Variants in BAIAP2L1 observed in about 807,000 individuals in gnomAD.
The protein encoded by BAIAP2L1 is BAR/IMD domain-containing adapter protein 2-like 1.
In BAIAP2L1, 35 loss-of-function variants were observed where a neutral mutation model predicts 66.3. The observed-to-expected ratio is 0.53, with a 90% CI of 0.40 to 0.70. The LOEUF is 0.70. Among genes scored for constraint, BAIAP2L1 ranks in the 30% least tolerant of loss-of-function variants. The pLI, the probability that BAIAP2L1 is intolerant of heterozygous loss-of-function variation, is 0.00. For synonymous variants in BAIAP2L1, 269 were observed against 248.7 expected (o/e 1.08, Z -0.77); for missense variants, 622 against 656.9 (o/e 0.95, Z 0.58).
chr7:98,378,273 G>A (rs1305111447), intron 1 of BAIAP2L1, among the ~76,000 whole-genome samples: 1 of 152,132 alleles, frequency 6.6e-6, no homozygotes, highest in Non-Finnish European at 1.5e-5. Context: ...ATGAAAGGTA[G>A]TTTCCTGGTG....
chr7:98,400,736 A>G (rs1584515459), intron 1 of BAIAP2L1, 66 bp downstream of exon 1: 1 of 1,516,550 alleles, frequency 6.6e-7, no homozygotes. Flanking sequence ...CTTCCCGCGT[A>G]AAGTCCCCTT....
chr7:98,354,486 A>G lies in BAIAP2L1; in HGVS notation c.214+556T>C, dbSNP rs550774874. ...CCGTTTTAAAAGCCCACCTTTCCCT[A>G]ACCCCCGACAGTGAAGTGTTCTATA... On this transcript the variant is annotated intron_variant, in intron 3 of 13. Transcript: ENST00000005260. 2.6e-5 allele frequency among the ~76,000 whole-genome samples: 4 copies of G among 152,216 alleles called. No individual in the cohort carries two copies. In the South Asian group the frequency reaches 8.3e-4, roughly 32 times the overall value.
intron 3 of BAIAP2L1, among the ~76,000 whole-genome samples, chr7:98,337,162 T>C (rs1584466762): frequency 6.6e-6 from 1 of 151,898 alleles, no homozygotes; most frequent in Non-Finnish European, 1.5e-5. Flanking sequence ...ACGTGGGAAG[T>C]GCTGGAAAGT....
chr7:98,315,625 A>ACAAT lies in BAIAP2L1; in HGVS notation c.487-14_487-13insATTG. Reference sequence around the variant, plus strand: ...CGGTCTCCACATACTAAAAAAAAAAAAATAATAATAATAATAATTATATAA... The same window carrying ACAAT: ...CGGTCTCCACATACTAAAAAAAAAAACAATAATAATAATAATAATAATTATATAA... On this transcript the variant is annotated splice_polypyrimidine_tract_variant and intron_variant, in intron 6 of 13. Transcript: ENST00000005260. 1 of 1,130,960 alleles carries ACAAT rather than the reference A, an allele frequency of 8.8e-7. No homozygotes were observed. Among genetic ancestry groups the ACAAT allele is most frequent in the South Asian group, 2.7e-5 (1 of 36,760 alleles). The allele number at this position is 1,130,960 out of a possible 1,614,324, so 70.1% of individuals were successfully genotyped here. A position where few individuals can be genotyped will look rare whatever the true frequency, so the allele number is the denominator to read the frequency against.
intron 1 of BAIAP2L1, among the ~76,000 whole-genome samples, chr7:98,393,116 CATAT>C (rs201190021): frequency 8.6e-6 from 1 of 116,622 alleles, no homozygotes; most frequent in Non-Finnish European, 1.7e-5. Flanking sequence ...TATATGTACA[CATAT>C]ATGTATATAT....
chr7:98,370,105 G>A (rs1334513638), intron 1 of BAIAP2L1, among the ~76,000 whole-genome samples: 1 of 151,434 alleles, frequency 6.6e-6, no homozygotes, highest in East Asian at 1.9e-4. Flanking sequence ...TACCAGAGGG[G>A]GAAAAAAAAA....
intron 1 of BAIAP2L1, among the ~76,000 whole-genome samples, chr7:98,387,625 T>C (rs1429337720): frequency 6.6e-6 from 1 of 151,450 alleles, no homozygotes; most frequent in Non-Finnish European, 1.5e-5. Flanking sequence ...TTTGGGAGGC[T>C]GAGGTGGGAG....
At position 98,312,081 on chromosome 7, in the gene BAIAP2L1, G is replaced by C; in HGVS notation, c.807+16C>G. ...AAACACACGATTGAAATCTGGAAGA[G>C]AAAACTGGCTCCTACCACATTGCTT... On this transcript the variant is annotated intron_variant, in intron 8 of 13. Transcript: ENST00000005260. 2 of 1,576,310 alleles carry C rather than the reference G, an allele frequency of 1.3e-6. No homozygotes were observed. The highest frequency in any genetic ancestry group is 4.5e-5 in the East Asian group (2 of 44,216).
intron 1 of BAIAP2L1, chr7:98,400,282 G>A (rs1362852628): frequency 9.4e-6 from 1 of 106,146 alleles, no homozygotes; most frequent in African/African-American, 3.9e-5. Context: ...AGGGACAGGG[G>A]AGGCGGAGAA....
intron 3 of BAIAP2L1, among the ~76,000 whole-genome samples, chr7:98,330,710 G>A (rs1422220437): frequency 6.6e-6 from 1 of 152,112 alleles, no homozygotes; most frequent in Non-Finnish European, 1.5e-5. Context: ...TCTGGGTTCT[G>A]CGTGGTACCA....
chr7:98,342,257 G>T (rs1001138574), intron 3 of BAIAP2L1, among the ~76,000 whole-genome samples: 2 of 151,784 alleles, frequency 1.3e-5, no homozygotes, highest in Admixed American at 6.6e-5. Flanking sequence ...TTGCCATGTT[G>T]GCCTAGCTGG....
Position 98,369,433 on chromosome 7 carries a change from G to A in BAIAP2L1, c.52-7001C>T, listed in dbSNP as rs867863757. On this transcript the variant is annotated intron_variant, in intron 1 of 13. Coordinates refer to ENST00000005260, the MANE Select transcript of BAIAP2L1 (RefSeq NM_018842.5). ...AAGAGACGGAGGTAGCAGTGAGATC[G>A]TGCCGCTGCACTCCAGCCTGGGCGA... 1.0e-3 allele frequency among the ~76,000 whole-genome samples: 154 copies of A among 152,114 alleles called. 1 individual carries two copies. Among genetic ancestry groups the A allele is most frequent in the African/African-American group, 3.5e-3 (145 of 41,402 alleles).
chr7:98,375,816 AAAAGCACT>A (rs1205489622), intron 1 of BAIAP2L1, among the ~76,000 whole-genome samples: 2 of 152,228 alleles, frequency 1.3e-5, no homozygotes, highest in South Asian at 2.1e-4. Flanking sequence ...CCTTTGCTGA[AAAAGCACT>A]AAAGCACTAG....
chr7:98,358,242 T>C (rs1268786442), intron 2 of BAIAP2L1, among the ~76,000 whole-genome samples: 1 of 152,218 alleles, frequency 6.6e-6, no homozygotes, highest in Non-Finnish European at 1.5e-5. Context: ...ACTTGAAAAT[T>C]ATAAAATTTA....
intron 1 of BAIAP2L1, among the ~76,000 whole-genome samples, chr7:98,392,832 A>G (rs1213284058): frequency 4.6e-5 from 7 of 151,946 alleles, no homozygotes; most frequent in Non-Finnish European, 7.4e-5. Context: ...TCTTGCTGCC[A>G]CCCAGGCTGG....
chr7:98,293,073 A>C lies in BAIAP2L1; in HGVS notation c.*448T>G. The C allele has an allele frequency of 1.4e-6, 1 of 703,962 alleles. No homozygotes were observed. The highest frequency in any genetic ancestry group is 1.8e-6 in the Non-Finnish European group (1 of 554,284). The allele number at this position is 703,962 out of a possible 1,614,324, so 43.6% of individuals were successfully genotyped here. On this transcript the variant is annotated 3_prime_UTR_variant, in exon 14 of 14. Transcript: ENST00000005260. The stretch of plus-strand genomic sequence containing the variant: ...TGCTTAAAATTATGATTTGCATGCT[A>C]AGATGCAAACTTACGTGATATCTTC...
chr7:98,376,461 C>A (rs1378903045), intron 1 of BAIAP2L1, among the ~76,000 whole-genome samples: 3 of 151,838 alleles, frequency 2.0e-5, no homozygotes, highest in Admixed American at 2.0e-4. Context: ...CAGCGAGCCA[C>A]GATCACACAA....
intron 1 of BAIAP2L1, among the ~76,000 whole-genome samples, chr7:98,378,900 G>A (rs546650285): frequency 8.5e-5 from 13 of 152,084 alleles, no homozygotes; most frequent in African/African-American, 2.4e-4. Context: ...GCGTGATCTC[G>A]GCTCACTGCA....
At position 98,359,279 on chromosome 7, in the gene BAIAP2L1, T is replaced by G. The variant is rs543818594; in HGVS notation, c.127+3078A>C. Among the ~76,000 whole-genome samples, 5 of 151,314 alleles carry G rather than the reference T, an allele frequency of 3.3e-5. No individual in the cohort carries two copies. In the South Asian group the frequency reaches 1.0e-3, roughly 32 times the overall value. On this transcript the variant is annotated intron_variant, in intron 2 of 13. Coordinates refer to ENST00000005260, the MANE Select transcript of BAIAP2L1 (RefSeq NM_018842.5). ...GTCCTGGCTTACTTGCTGTCTTTTT[T>G]TTTTTTTTTTTTGAGACAGAGTCTT...
Sources: gnomAD v4.1 joint callset for allele counts (sites outside exome capture counted in the v4.1 genomes callset) on GRCh38, gnomAD v4.1.1 for gene constraint, MANE v1.5 for transcripts, NCBI Gene and HGNC (gene_info 2026-07-23, HGNC 2026-07-21) for gene names.